Variants in EFR3A observed in about 807,000 individuals in gnomAD.
The protein encoded by EFR3A is protein EFR3 homolog A.
EFR3A carries 76 observed loss-of-function variants against 104.4 expected under a neutral mutation model. That is an observed-to-expected ratio of 0.73 (90% CI 0.60 to 0.88). The LOEUF is 0.88. Among genes scored for constraint, EFR3A ranks in the 40% least tolerant of loss-of-function variants. The pLI is 0.00. For synonymous variants in EFR3A, 330 were observed against 330.0 expected, an observed-to-expected ratio of 1.00 and a Z score of 0.00; for missense variants, 985 against 1,012.5, an observed-to-expected ratio of 0.97 and a Z score of 0.37.
intron 2 of EFR3A, among the ~76,000 whole-genome samples, 187 bp from the exon 3 acceptor site, chr8:131,944,558 A>C (rs4496948): frequency 0.49 from 74,355 of 151,850 alleles, 18,361 homozygotes; most frequent in Middle Eastern, 0.57. Flanking sequence ...CATTGTAAAA[A>C]ATTTTTTGAA....
intron 18 of EFR3A, among the ~76,000 whole-genome samples, chr8:131,994,656 T>C (rs1183502114): frequency 1.3e-5 from 2 of 152,064 alleles, no homozygotes; most frequent in East Asian, 3.9e-4. Context: ...AGAGTTTAGG[T>C]AAGAAAAGAT....
intron 1 of EFR3A, among the ~76,000 whole-genome samples, chr8:131,921,377 C>G (rs1057285537): frequency 6.6e-6 from 1 of 152,040 alleles, no homozygotes; most frequent in African/African-American, 2.4e-5. Flanking sequence ...AGGACCTACC[C>G]CAATGGCCCT....
chr8:131,961,764 C>A (rs1018715576), intron 8 of EFR3A, among the ~76,000 whole-genome samples: 3 of 152,126 alleles, frequency 2.0e-5, no homozygotes, highest in African/African-American at 7.2e-5. Flanking sequence ...TTGTCAGATT[C>A]ACCAAAGTTG....
At chr8:131,923,738 C>G (rs1197140863) in intron 1 of EFR3A, among the ~76,000 whole-genome samples, 1 of 152,026 alleles carries the variant, frequency 6.6e-6, no homozygotes, top group Non-Finnish European at 1.5e-5. Context: ...CCAGCATTAG[C>G]TGAGTCACAA....
chr8:131,954,155 C>G (rs1201699636), intron 6 of EFR3A, among the ~76,000 whole-genome samples, 188 bp downstream of exon 6: 2 of 152,040 alleles, frequency 1.3e-5, no homozygotes, highest in Admixed American at 1.3e-4. Context: ...GCTTAGCAGA[C>G]TACAGATTAT....
At chr8:131,933,847 T>C (rs1015384688) in intron 1 of EFR3A, among the ~76,000 whole-genome samples, 5 of 151,820 alleles carry the variant, frequency 3.3e-5, no homozygotes, top group African/African-American at 1.2e-4. Flanking sequence ...TTTGGAGAAG[T>C]GTACAAGAGT....
chr8:131,954,503 T>G (rs1160509336), intron 6 of EFR3A, among the ~76,000 whole-genome samples: 1 of 151,922 alleles, frequency 6.6e-6, no homozygotes, highest in Non-Finnish European at 1.5e-5. Context: ...TTTTTTCTTT[T>G]TCCTCTACAA....
chr8:131,978,610 G>A (rs1309661643), intron 12 of EFR3A, among the ~76,000 whole-genome samples: 1 of 152,082 alleles, frequency 6.6e-6, no homozygotes, highest in Non-Finnish European at 1.5e-5. Flanking sequence ...GCAGTGCTTA[G>A]AATCATGCCT....
At position 132,001,770 on chromosome 8, in the gene EFR3A, T is replaced by C; in HGVS notation, c.2169T>C (p.Thr723=). ...TCACTTTTCTCTAGGTTAGTAACAC[T>C]GAAGAAATCACTTTTGAAGCATTGA... ...NVPSDDVVSN[T]EEITFEALKK... The change falls in exon 20 of 23, where the codon ACT becomes ACC. Residue 723 remains threonine (T), a synonymous_variant. Coordinates refer to ENST00000254624, the MANE Select transcript of EFR3A (RefSeq NM_015137.6). 6.2e-7 allele frequency: 1 copy of C among 1,613,414 alleles called. No individual in the cohort carries two copies. The highest frequency in any genetic ancestry group is 8.5e-7 in the Non-Finnish European group (1 of 1,179,500).
At chr8:131,968,983 C>T (rs1563675412) in intron 9 of EFR3A, among the ~76,000 whole-genome samples, 1 of 152,124 alleles carries the variant, frequency 6.6e-6, no homozygotes, top group Non-Finnish European at 1.5e-5. Flanking sequence ...CTGTAATCTT[C>T]ATGAGAAATG....
intron 9 of EFR3A, 76 bp from the exon 10 acceptor site, chr8:131,970,400 T>G: frequency 7.5e-7 from 1 of 1,328,710 alleles, no homozygotes; most frequent in Non-Finnish European, 1.0e-6. Context: ...AAACAATCTG[T>G]GGAGAAATAA....
chr8:131,995,485 T>A (rs758235400), intron 18 of EFR3A, among the ~76,000 whole-genome samples: 26 of 152,186 alleles, frequency 1.7e-4, no homozygotes, highest in Non-Finnish European at 3.5e-4. Flanking sequence ...ACTTCCTAGA[T>A]TTGTTGAGTA....
chr8:131,923,461 C>A (rs1159267201), intron 1 of EFR3A, among the ~76,000 whole-genome samples: 3 of 148,060 alleles, frequency 2.0e-5, no homozygotes, highest in Non-Finnish European at 4.5e-5. Flanking sequence ...TCTGTATAAA[C>A]TTCACGGCCT....
chr8:131,987,813 G>A (rs941792758), intron 18 of EFR3A, 111 bp downstream of exon 18: 1 of 1,168,844 alleles, frequency 8.6e-7, no homozygotes, highest in Non-Finnish European at 1.2e-6. Context: ...CCTTACTATA[G>A]CCCAGCCATT....
At chr8:132,003,317 A>G (rs773644293) in intron 22 of EFR3A, 32 bp downstream of exon 22, 2 of 1,589,292 alleles carry the variant, frequency 1.3e-6, no homozygotes, top group Non-Finnish European at 1.7e-6. Context: ...TAGCAATAAC[A>G]CACACACACG....
intron 1 of EFR3A, among the ~76,000 whole-genome samples, chr8:131,919,581 G>A (rs941149608): frequency 7.7e-6 from 1 of 130,604 alleles, no homozygotes; most frequent in African/African-American, 3.0e-5. Context: ...GGGCGACAGA[G>A]CAAGACTCCG....
intron 1 of EFR3A, chr8:131,924,100 A>G: frequency 2.3e-6 from 1 of 442,626 alleles, no homozygotes; most frequent in Non-Finnish European, 4.5e-6. Context: ...TCATAAAATG[A>G]ATGCTTATTA....
chr8:131,949,542 G>A (rs1363512842), intron 4 of EFR3A, among the ~76,000 whole-genome samples: 1 of 152,120 alleles, frequency 6.6e-6, no homozygotes, highest in Non-Finnish European at 1.5e-5. Context: ...AGTGGTTCAT[G>A]CCTATAATCT....
chr8:131,928,518 A>G (rs945869314), intron 1 of EFR3A, among the ~76,000 whole-genome samples: 2 of 152,126 alleles, frequency 1.3e-5, no homozygotes, highest in Admixed American at 6.6e-5. Context: ...GTAGCAATAA[A>G]TTAGTAAATC....
Sources: allele counts gnomAD v4.1 joint callset (sites outside exome capture counted in the v4.1 genomes callset), GRCh38; gene constraint gnomAD v4.1.1; transcripts MANE v1.5; gene names NCBI Gene and HGNC (gene_info 2026-07-23, HGNC 2026-07-21).